The following WDR12 variants were observed in gnomAD, a reference collection of about 807,000 sequenced individuals.
WDR12 encodes ribosome biogenesis protein WDR12.
Under a neutral mutation model 64.3 loss-of-function variants are expected in WDR12, and 42 were observed. The observed-to-expected ratio is 0.65, with a 90% CI of 0.51 to 0.84. The LOEUF is 0.84. Among genes scored for constraint, WDR12 ranks in the 40% least tolerant of loss-of-function variants. The pLI, the probability that WDR12 is intolerant of heterozygous loss-of-function variation, is 0.00. For synonymous variants in WDR12, 158 were observed against 173.3 expected, an observed-to-expected ratio of 0.91 and a Z score of 0.70; for missense variants, 469 against 494.6, an observed-to-expected ratio of 0.95 and a Z score of 0.49.
chr2:202,896,667 G>A (rs1688247825), intron 5 of WDR12, among the ~76,000 whole-genome samples: 1 of 152,024 alleles, frequency 6.6e-6, no homozygotes, highest in Non-Finnish European at 1.5e-5. Context: ...CTCTAGCCTG[G>A]GCGACAGAGT....
At chr2:202,894,721 A>G in intron 6 of WDR12, 95 bp from the exon 7 acceptor site, 1 of 1,012,018 alleles carries the variant, frequency 9.9e-7, no homozygotes, top group Middle Eastern at 3.1e-4. Flanking sequence ...GGACCTTTTC[A>G]AAGAACTTGT....
intron 4 of WDR12, among the ~76,000 whole-genome samples, chr2:202,898,944 TAAA>T (rs532820834): frequency 5.3e-5 from 5 of 94,950 alleles, no homozygotes; most frequent in Non-Finnish European, 6.5e-5. Flanking sequence ...AGACCCCGTT[TAAA>T]AAAAAAAAAA....
chr2:202,893,254 AC>A (rs1453584073), intron 7 of WDR12, among the ~76,000 whole-genome samples: 1 of 152,148 alleles, frequency 6.6e-6, no homozygotes, highest in Non-Finnish European at 1.5e-5. Context: ...AATGTATGTT[AC>A]ATTATATGTT....
At chr2:202,890,263 A>G (rs1450279915) in intron 8 of WDR12, among the ~76,000 whole-genome samples, 5 of 151,998 alleles carry the variant, frequency 3.3e-5, no homozygotes, top group African/African-American at 1.2e-4. Flanking sequence ...TGATGCTGCA[A>G]TGGAATGCCA....
chr2:202,908,820 G>A (rs1688510437), intron 1 of WDR12, among the ~76,000 whole-genome samples: 1 of 152,208 alleles, frequency 6.6e-6, no homozygotes, highest in African/African-American at 2.4e-5. Flanking sequence ...GAGAGACTGT[G>A]AGAAAATATT....
intron 6 of WDR12, 46 bp from the exon 7 acceptor site, chr2:202,894,672 ATAT>A: frequency 6.6e-7 from 1 of 1,515,278 alleles, no homozygotes. Context: ...AATATGATTC[ATAT>A]TATTTGCCTA....
chr2:202,906,022 T>A (rs1298260704), intron 2 of WDR12, among the ~76,000 whole-genome samples: 1 of 152,308 alleles, frequency 6.6e-6, no homozygotes. Flanking sequence ...ACGAAGAGTA[T>A]AATTGGATTG....
intron 6 of WDR12, chr2:202,894,836 G>T (rs143956731): frequency 2.1e-4 from 92 of 433,372 alleles, no homozygotes; most frequent in Admixed American, 8.8e-4. Flanking sequence ...TTTGAAGAAA[G>T]CCAATCTGAA....
At chr2:202,889,468 G>A (rs918616764) in intron 8 of WDR12, among the ~76,000 whole-genome samples, 2 of 151,960 alleles carry the variant, frequency 1.3e-5, no homozygotes, top group South Asian at 2.1e-4. Flanking sequence ...GACAGCTCGG[G>A]CAACAAAGCA....
At chr2:202,896,345 A>G in intron 5 of WDR12, 126 bp from the exon 6 acceptor site, 1 of 1,063,322 alleles carries the variant, frequency 9.4e-7, no homozygotes, top group Admixed American at 2.9e-5. Flanking sequence ...GATAACTCAT[A>G]TGGCCAGGTT....
intron 8 of WDR12, among the ~76,000 whole-genome samples, chr2:202,891,135 G>A (rs1185828696): frequency 6.6e-6 from 1 of 151,998 alleles, no homozygotes; most frequent in African/African-American, 2.4e-5. Flanking sequence ...AACTCCCACT[G>A]GCACAATATC....
At chr2:202,882,010 A>G (rs1687959003) in intron 12 of WDR12, among the ~76,000 whole-genome samples, 1 of 152,066 alleles carries the variant, frequency 6.6e-6, no homozygotes, top group South Asian at 2.1e-4. Flanking sequence ...ATCATAGTTC[A>G]TTGCATCCTC....
intron 4 of WDR12, among the ~76,000 whole-genome samples, chr2:202,898,816 C>T (rs1688296972): frequency 6.6e-6 from 1 of 151,812 alleles, no homozygotes; most frequent in Non-Finnish European, 1.5e-5. Flanking sequence ...CTCTAAGATA[C>T]ATGACTTATT....
At chr2:202,889,826 G>A (rs1297064028) in intron 8 of WDR12, among the ~76,000 whole-genome samples, 1 of 151,838 alleles carries the variant, frequency 6.6e-6, no homozygotes, top group Admixed American at 6.6e-5. Context: ...TGAGGCGTGA[G>A]GATTGTGTGA....
At chr2:202,891,527 A>G (rs1277207553) in intron 8 of WDR12, among the ~76,000 whole-genome samples, 2 of 152,218 alleles carry the variant, frequency 1.3e-5, no homozygotes, top group African/African-American at 4.8e-5. Flanking sequence ...GCAATTCATC[A>G]GTCTATGTTT....
chr2:202,889,996 G>A (rs1361440774), intron 8 of WDR12, among the ~76,000 whole-genome samples: 1 of 152,032 alleles, frequency 6.6e-6, no homozygotes, highest in Non-Finnish European at 1.5e-5. Flanking sequence ...GGAGGCTGAG[G>A]CAAGCAGATC....
At chr2:202,905,570 C>A (rs1688441877) in intron 2 of WDR12, among the ~76,000 whole-genome samples, 1 of 152,142 alleles carries the variant, frequency 6.6e-6, no homozygotes, top group Admixed American at 6.6e-5. Context: ...TTTGGAGATT[C>A]CTCAAAAAAC....
intron 8 of WDR12, among the ~76,000 whole-genome samples, chr2:202,887,247 C>T (rs1231928860): frequency 6.6e-6 from 1 of 152,184 alleles, no homozygotes; most frequent in Non-Finnish European, 1.5e-5. Context: ...CTGGTCTTCA[C>T]TCCTGACTGC....
At chr2:202,900,338 A>T (rs187570346) in intron 3 of WDR12, among the ~76,000 whole-genome samples, 1 of 152,030 alleles carries the variant, frequency 6.6e-6, no homozygotes, top group Admixed American at 6.5e-5. Flanking sequence ...CAGAAAAAAA[A>T]AAAAAAAAGA....
Sources: gnomAD v4.1 joint callset for allele counts (sites outside exome capture counted in the v4.1 genomes callset) on GRCh38, gnomAD v4.1.1 for gene constraint, MANE v1.5 for transcripts, NCBI Gene and HGNC (gene_info 2026-07-23, HGNC 2026-07-21) for gene names.